Variants in CSN1S1 observed in about 807,000 individuals in gnomAD.
CSN1S1 encodes the protein alpha-S1-casein.
A neutral mutation model predicts 49.1 loss-of-function variants in CSN1S1; 63 were observed. The observed-to-expected ratio is 1.28, with a 90% confidence interval of 1.05 to 1.58. The LOEUF is 1.58. CSN1S1 is among the 40% of genes most tolerant of loss of function. CSN1S1 has a pLI of 0.00. For missense variants in CSN1S1, 260 were observed against 224.7 expected (o/e 1.16, Z -1.01); for synonymous variants, 78 against 67.1 (o/e 1.16, Z -0.79).
chr4:69,931,863 A>C (rs1722617085), intron 1 of CSN1S1, among the ~76,000 whole-genome samples: 1 of 151,712 alleles, frequency 6.6e-6, no homozygotes, highest in African/African-American at 2.4e-5. Flanking sequence ...ATTTAATGAA[A>C]CTCTGGAAAT....
intron 14 of CSN1S1, among the ~76,000 whole-genome samples, chr4:69,943,256 T>C (rs966396884): frequency 2.0e-5 from 3 of 151,518 alleles, no homozygotes; most frequent in African/African-American, 7.3e-5. Flanking sequence ...CAATCTCAGG[T>C]CCCTGCAACC....
chr4:69,936,367 C>A, intron 5 of CSN1S1, 89 bp from the exon 6 acceptor site: 1 of 966,868 alleles, frequency 1.0e-6, no homozygotes, highest in Non-Finnish European at 1.6e-6. Context: ...TTTGTATCAG[C>A]ACGATGTGAA....
intron 1 of CSN1S1, 56 bp from the exon 2 acceptor site, chr4:69,932,488 G>T: frequency 1.4e-6 from 2 of 1,470,830 alleles, no homozygotes; most frequent in Non-Finnish European, 9.3e-7. Flanking sequence ...ATTTTTTTCA[G>T]GAAACAAATT....
At chr4:69,942,352 C>T (rs1471680597) in intron 13 of CSN1S1, 184 bp from the exon 14 acceptor site, 1 of 624,996 alleles carries the variant, frequency 1.6e-6, no homozygotes, top group East Asian at 2.8e-5. Flanking sequence ...TAGCCTTTAG[C>T]TAAAATTTTT....
Position 69,946,287 on chromosome 4 carries a change from C to G in CSN1S1, c.*91C>G, listed in dbSNP as rs1392206328. ...ACTGTTGTTTTAGAATAGTAAAATCCCATATTGAAGGAAATTGTTCTTTTT... is the reference window on the plus strand; with the variant it reads ...ACTGTTGTTTTAGAATAGTAAAATCGCATATTGAAGGAAATTGTTCTTTTT... On this transcript the variant is annotated 3_prime_UTR_variant, in exon 16 of 16. Coordinates refer to ENST00000246891, the MANE Select transcript of CSN1S1 (RefSeq NM_001890.2). 1 of 411,792 alleles carries G rather than the reference C, an allele frequency of 2.4e-6. No individual in the cohort carries two copies. Among genetic ancestry groups the G allele is most frequent in the Admixed American group, 4.3e-5 (1 of 23,176 alleles). The allele number at this position is 411,792 out of a possible 1,614,324, so 25.5% of individuals were successfully genotyped here. A position where few individuals can be genotyped will look rare whatever the true frequency, so the allele number is the denominator to read the frequency against.
rs1042791689 is a variant in CSN1S1, at chr4:69,946,462, T to C, written c.*266T>C. ...TTACTAAGTTTTCTAGTGGACATTT[T>C]GTTTAAAAAGTCTTTGAATTGCCAG... On this transcript the variant is annotated 3_prime_UTR_variant, in exon 16 of 16. Transcript: ENST00000246891. 2.0e-4 allele frequency: 41 copies of C among 206,400 alleles called. No homozygotes were observed. Among genetic ancestry groups the C allele is most frequent in the Admixed American group, 3.0e-4 (5 of 16,776 alleles). The allele number at this position is 206,400 out of a possible 1,614,324, so 12.8% of individuals were successfully genotyped here.
intron 13 of CSN1S1, 39 bp downstream of exon 13, chr4:69,942,102 C>G: frequency 1.6e-6 from 2 of 1,277,202 alleles, no homozygotes; most frequent in South Asian, 3.5e-5. Flanking sequence ...TTTAGTATTT[C>G]CTTCATGTGT....
In CSN1S1 at chr4:69,942,042, C is replaced by T. The variant is rs1169940331; in HGVS notation, c.343-4C>T. On this transcript the variant is annotated splice_polypyrimidine_tract_variant and splice_region_variant and intron_variant, in intron 12 of 15. Coordinates refer to ENST00000246891, the MANE Select transcript of CSN1S1 (RefSeq NM_001890.2). ...ACTAAAACAGAATGTTTTCTCCTCC[C>T]TAGCAAGCTGCCCATGCCCAGGTGA... The T allele has an allele frequency of 1.4e-6, 2 of 1,464,862 alleles. No homozygotes were observed. Among genetic ancestry groups the T allele is most frequent in the Non-Finnish European group, 1.8e-6 (2 of 1,085,082 alleles). 90.7% of individuals were successfully genotyped at this position (1,464,862 alleles called of 1,614,324 possible). A position where few individuals can be genotyped will look rare whatever the true frequency, so the allele number is the denominator to read the frequency against.
intron 15 of CSN1S1, among the ~76,000 whole-genome samples, chr4:69,945,639 A>G (rs900499984): frequency 2.6e-5 from 4 of 152,110 alleles, no homozygotes; most frequent in Admixed American, 6.6e-5. Flanking sequence ...ATTATTTCGG[A>G]AGAATTAAGT....
chr4:69,939,041 G>A (rs948387565), intron 9 of CSN1S1, 135 bp from the exon 10 acceptor site: 3 of 517,334 alleles, frequency 5.8e-6, no homozygotes, highest in Admixed American at 3.4e-5. Flanking sequence ...AATGTAGTAC[G>A]CCTGAATTTT....
intron 12 of CSN1S1, 101 bp from the exon 13 acceptor site, chr4:69,941,944 AT>A (rs902287687): frequency 8.9e-6 from 6 of 677,918 alleles, no homozygotes; most frequent in Non-Finnish European, 1.4e-5. Flanking sequence ...TATCTCCAGT[AT>A]TTAACATTGT....
chr4:69,941,976 C>T, intron 12 of CSN1S1, 70 bp from the exon 13 acceptor site: 5 of 968,912 alleles, frequency 5.2e-6, no homozygotes, highest in Non-Finnish European at 7.5e-6. Flanking sequence ...ATGAAGGTAC[C>T]CAGCAAATGT....
At chr4:69,944,029 C>T (rs1340178996) in intron 14 of CSN1S1, among the ~76,000 whole-genome samples, 2 of 151,922 alleles carry the variant, frequency 1.3e-5, no homozygotes, top group Non-Finnish European at 2.9e-5. Context: ...CTCTCTCGGT[C>T]TCTCTATTAA....
rs748593026 is a variant in CSN1S1, at chr4:69,936,559, A to T, written c.154-7A>T. 11 of 1,605,364 alleles carry T rather than the reference A, an allele frequency of 6.9e-6. No homozygotes were observed. In the East Asian group the frequency reaches 2.2e-4, roughly 33 times the overall value. ...ATATTTTACAAGGTACACTTTATTG[A>T]TTTTAGCAGAGAAACATTCTGAGAG... On this transcript the variant is annotated splice_polypyrimidine_tract_variant and splice_region_variant and intron_variant, in intron 6 of 15. Coordinates refer to ENST00000246891, the MANE Select transcript of CSN1S1 (RefSeq NM_001890.2).
intron 5 of CSN1S1, among the ~76,000 whole-genome samples, chr4:69,936,216 C>T (rs1722776384): frequency 6.6e-6 from 1 of 151,948 alleles, no homozygotes; most frequent in South Asian, 2.1e-4. Flanking sequence ...AAATTTGTAT[C>T]AGCACTAATG....
chr4:69,945,812 A>G (rs1723144192), intron 15 of CSN1S1, among the ~76,000 whole-genome samples: 1 of 150,740 alleles, frequency 6.6e-6, no homozygotes, highest in African/African-American at 2.4e-5. Flanking sequence ...TATAAGTTCA[A>G]TTATTTTCAC....
intron 2 of CSN1S1, 34 bp downstream of exon 2, chr4:69,932,640 C>T: frequency 6.4e-7 from 1 of 1,551,814 alleles, no homozygotes; most frequent in Non-Finnish European, 8.8e-7. Context: ...AAGTCTTAGA[C>T]TCTTGTTAGA....
In CSN1S1 at chr4:69,937,071, T is replaced by C. The variant is rs1403430672; in HGVS notation, c.196-50T>C. On this transcript the variant is annotated intron_variant, in intron 7 of 15. Coordinates refer to ENST00000246891, the MANE Select transcript of CSN1S1 (RefSeq NM_001890.2). Reference sequence around the variant, plus strand: ...TGCTCAAACTTTATGAGATAAAATATATATCTTCTTAACAATCTGTCATAC... The same window carrying C: ...TGCTCAAACTTTATGAGATAAAATACATATCTTCTTAACAATCTGTCATAC... The C allele has an allele frequency of 1.5e-5, 22 of 1,464,540 alleles. No individual in the cohort carries two copies. In the East Asian group the frequency reaches 5.5e-4, roughly 37 times the overall value. The allele number at this position is 1,464,540 out of a possible 1,614,324, so 90.7% of individuals were successfully genotyped here.
intron 14 of CSN1S1, 36 bp downstream of exon 14, chr4:69,942,613 AT>A (rs958805157): frequency 6.6e-7 from 1 of 1,507,076 alleles, no homozygotes; most frequent in African/African-American, 1.4e-5. Flanking sequence ...AAACGATAAT[AT>A]TTTGTTAAGC....
Sources: gnomAD v4.1 joint callset for allele counts (sites outside exome capture counted in the v4.1 genomes callset) on GRCh38, gnomAD v4.1.1 for gene constraint, MANE v1.5 for transcripts, NCBI Gene and HGNC (gene_info 2026-07-23, HGNC 2026-07-21) for gene names.